Variants in TMED8 observed in about 807,000 individuals in gnomAD.
TMED8 encodes protein TMED8.
A neutral mutation model predicts 32.7 loss-of-function variants in TMED8; 15 were observed. The ratio of observed to expected loss-of-function variants is 0.46; its 90% confidence interval spans 0.31 to 0.71. TMED8 has a LOEUF of 0.71. TMED8 is among the 30% of genes least tolerant of loss of function. The probability of loss-of-function intolerance (pLI) is 0.06; values close to 1 mark genes in which losing one functional copy is unlikely to be tolerated. For synonymous variants in TMED8, 147 were observed against 161.4 expected (o/e 0.91, Z 0.68); for missense variants, 390 against 423.9 (o/e 0.92, Z 0.70).
chr14:77,367,882 C>T (rs1008373262), intron 1 of TMED8, among the ~76,000 whole-genome samples: 1 of 152,054 alleles, frequency 6.6e-6, no homozygotes, highest in Admixed American at 6.6e-5. Flanking sequence ...TTAGTAGAGA[C>T]GGGGTTTCAC....
At chr14:77,364,780 C>T (rs997435366) in intron 1 of TMED8, among the ~76,000 whole-genome samples, 1 of 152,188 alleles carries the variant, frequency 6.6e-6, no homozygotes, top group Non-Finnish European at 1.5e-5. Flanking sequence ...TACACATTAA[C>T]ACTTTTATAC....
rs1397983941 is a variant in TMED8 at position 77,372,907 on chromosome 14, TATATATATATATATATATATATATATA to T, written c.118+4002_118+4028del. Among the ~76,000 whole-genome samples, 279 of 41,866 alleles carry T rather than the reference TATATATATATATATATATATATATATA, an allele frequency of 6.7e-3. 7 individuals carry two copies. The highest frequency in any genetic ancestry group is 0.019 in the African/African-American group (144 of 7,508). 27.5% of individuals were successfully genotyped at this position (41,866 alleles called of 152,430 possible). A position where few individuals can be genotyped will look rare whatever the true frequency, so the allele number is the denominator to read the frequency against. ...TGCACATTGAAATAGCCACAGATAT[TATATATATATATATATATATATATATA>T]TATATATATATATATATATTTTTTT... On this transcript the variant is annotated intron_variant, in intron 1 of 5. Transcript: ENST00000216468.
intron 1 of TMED8, among the ~76,000 whole-genome samples, chr14:77,354,891 T>C (rs1332169674): frequency 6.6e-6 from 1 of 151,468 alleles, no homozygotes; most frequent in Non-Finnish European, 1.5e-5. Context: ...GAGGAAGAGG[T>C]TGCAGTGAGG....
rs551855354 is a variant in TMED8, at chr14:77,361,575, G to T, written c.119-9824C>A. On this transcript the variant is annotated intron_variant, in intron 1 of 5. Transcript: ENST00000216468. ...TATTTGTGGTTACATACAAATTTTA[G>T]AATTGTTTTTTCTACTTCTGTGAAG... 4.6e-5 allele frequency among the ~76,000 whole-genome samples: 7 copies of T among 152,232 alleles called. No individual in the cohort carries two copies. In the South Asian group the frequency reaches 1.4e-3, roughly 32 times the overall value.
At chr14:77,375,960 C>T (rs1893805408) in intron 1 of TMED8, among the ~76,000 whole-genome samples, 1 of 152,212 alleles carries the variant, frequency 6.6e-6, no homozygotes, top group Admixed American at 6.5e-5. Context: ...GACTCCAATC[C>T]AGGCACCCTG....
chr14:77,351,592 TAA>T (rs1361943936), intron 2 of TMED8, 79 bp downstream of exon 2: 1 of 1,335,466 alleles, frequency 7.5e-7, no homozygotes, highest in Non-Finnish European at 1.1e-6. Flanking sequence ...CCTCCCCGCT[TAA>T]AGTCACTACC....
chr14:77,344,350 T>C (rs1330818022), intron 3 of TMED8, among the ~76,000 whole-genome samples: 1 of 152,230 alleles, frequency 6.6e-6, no homozygotes, highest in Non-Finnish European at 1.5e-5. Context: ...AGTCTTTCTC[T>C]CTCATCCACA....
intron 1 of TMED8, among the ~76,000 whole-genome samples, chr14:77,361,130 C>T (rs1168889729): frequency 6.6e-6 from 1 of 152,078 alleles, no homozygotes; most frequent in African/African-American, 2.4e-5. Context: ...CAGGTGCATG[C>T]CACCATGCCC....
chr14:77,345,869 C>T (rs1239740996), intron 3 of TMED8, among the ~76,000 whole-genome samples: 4 of 147,170 alleles, frequency 2.7e-5, no homozygotes, highest in South Asian at 2.2e-4. Flanking sequence ...ACTCGGGAGG[C>T]GAGGTGGGAC....
chr14:77,347,684 C>A (rs552645044), intron 2 of TMED8, among the ~76,000 whole-genome samples: 1 of 152,204 alleles, frequency 6.6e-6, no homozygotes, highest in East Asian at 1.9e-4. Flanking sequence ...GGATTACAGG[C>A]GTGAGCCACC....
chr14:77,345,499 C>A (rs1893004100), intron 3 of TMED8, among the ~76,000 whole-genome samples: 2 of 151,834 alleles, frequency 1.3e-5, no homozygotes, highest in South Asian at 4.2e-4. Context: ...CCATCCCGCC[C>A]CCATCCCTCC....
rs902824321 is a variant in TMED8 at position 77,340,069 on chromosome 14, T to C, written c.*1702A>G. On this transcript the variant is annotated 3_prime_UTR_variant, in exon 6 of 6. Coordinates refer to ENST00000216468, the MANE Select transcript of TMED8 (RefSeq NM_213601.3). ...AAATCCTGGAATCACGGGATATCTC[T>C]GATTGGTTAGGGAATTCCTCTGCAC... 1 of 152,204 alleles carries C rather than the reference T, an allele frequency of 6.6e-6. No individual in the cohort carries two copies. The highest frequency in any genetic ancestry group is 2.4e-5 in the African/African-American group (1 of 41,452). 9.4% of individuals were successfully genotyped at this position (152,204 alleles called of 1,614,324 possible).
At position 77,343,441 on chromosome 14, in the gene TMED8, G is replaced by A. The variant is rs759634649; in HGVS notation, c.497C>T (p.Ala166Val). ...LMAPPCIWTFAKVKEFKSKLG... is the reference protein window; with the variant it reads ...LMAPPCIWTFVKVKEFKSKLG... The stretch of plus-strand genomic sequence containing the variant: ...CTTGCTTTTGAATTCCTTCACCTTG[G>A]CAAAGGTCCAGATGCATGGAGGAGC... Residue 166 changes from alanine to valine, a missense_variant, in exon 5 of 6, where the codon GCC becomes GTC. By Grantham distance (64) the Ala-to-Val change is moderately conservative (BLOSUM62 0). Transcript: ENST00000216468. The A allele has an allele frequency of 6.2e-7, 1 of 1,613,676 alleles. No individual in the cohort carries two copies. The highest frequency in any genetic ancestry group is 8.5e-7 in the Non-Finnish European group (1 of 1,179,782).
In TMED8 at chr14:77,358,896, TTTTG is replaced by T. The variant is rs371643806; in HGVS notation, c.119-7149_119-7146del. Among the ~76,000 whole-genome samples, 1,457 of 152,178 alleles carry T rather than the reference TTTTG, an allele frequency of 9.6e-3. 7 individuals carry two copies. Among genetic ancestry groups the T allele is most frequent in the Non-Finnish European group, 0.014 (923 of 67,996 alleles). Reference sequence around the variant, plus strand: ...TACACATTCTTCTTCTGCAACTTTTTTTTGTTTGTTTGTTTGTTTGTTTGTTTTT... The same window carrying T: ...TACACATTCTTCTTCTGCAACTTTTTTTTGTTTGTTTGTTTGTTTGTTTTT... On this transcript the variant is annotated intron_variant, in intron 1 of 5. Transcript: ENST00000216468.
rs1566696264 is a variant in TMED8 at position 77,372,925 on chromosome 14, TATATATATATATATATATATATA to T, written c.118+3988_118+4010del. On this transcript the variant is annotated intron_variant, in intron 1 of 5. Coordinates refer to ENST00000216468, the MANE Select transcript of TMED8 (RefSeq NM_213601.3). ...CAGATATTATATATATATATATATA[TATATATATATATATATATATATA>T]TATATTTTTTTTTTTTTTTTTTTTT... 7.4e-3 allele frequency among the ~76,000 whole-genome samples: 216 copies of T among 29,038 alleles called. 1 individual carries two copies. The highest frequency in any genetic ancestry group is 0.01 in the Non-Finnish European group (164 of 16,236). 19.1% of individuals were successfully genotyped at this position (29,038 alleles called of 152,430 possible). A position where few individuals can be genotyped will look rare whatever the true frequency, so the allele number is the denominator to read the frequency against.
In TMED8 at chr14:77,339,375, C is replaced by T. The variant is rs1309712520; in HGVS notation, c.*2396G>A. On this transcript the variant is annotated 3_prime_UTR_variant, in exon 6 of 6. Coordinates refer to ENST00000216468, the MANE Select transcript of TMED8 (RefSeq NM_213601.3). The stretch of plus-strand genomic sequence containing the variant: ...AGGGGAACAAGTCCCTTAGGCTTCC[C>T]TGATGCAACAGAACTAGGATTCCAA... 6.6e-6 allele frequency: 1 copy of T among 152,166 alleles called. No individual in the cohort carries two copies. The highest frequency in any genetic ancestry group is 2.4e-5 in the African/African-American group (1 of 41,422). The allele number at this position is 152,166 out of a possible 1,614,324, so 9.4% of individuals were successfully genotyped here.
At chr14:77,345,609 A>C (rs1234679441) in intron 3 of TMED8, among the ~76,000 whole-genome samples, 1 of 148,172 alleles carries the variant, frequency 6.7e-6, no homozygotes, top group Non-Finnish European at 1.5e-5. Context: ...GCAGTGAGCC[A>C]TGACTGCACC....
chr14:77,350,660 T>C (rs533197842), intron 2 of TMED8, among the ~76,000 whole-genome samples: 3 of 152,246 alleles, frequency 2.0e-5, no homozygotes, highest in African/African-American at 7.2e-5. Flanking sequence ...AAAAAACATA[T>C]TTTAAGGCTC....
chr14:77,369,201 C>T (rs185329211), intron 1 of TMED8, among the ~76,000 whole-genome samples: 2 of 152,294 alleles, frequency 1.3e-5, no homozygotes, highest in East Asian at 3.9e-4. Context: ...AGCAAGTGTC[C>T]GTATAAACAT....
Sources: gnomAD v4.1 joint callset for allele counts (sites outside exome capture counted in the v4.1 genomes callset) on GRCh38, gnomAD v4.1.1 for gene constraint, MANE v1.5 for transcripts, NCBI Gene and HGNC (gene_info 2026-07-23, HGNC 2026-07-21) for gene names.